TCF20: variants seen among roughly 807,000 people sequenced by gnomAD.
TCF20 encodes the protein transcription factor 20.
Under a neutral mutation model 148.6 loss-of-function variants are expected in TCF20, and 3 were observed. That is an observed-to-expected ratio of 0.02 (90% CI 0.01 to 0.05). The LOEUF (loss-of-function observed/expected upper bound fraction) is 0.05, where lower values mean the gene tolerates loss of function less well. Ranked by LOEUF, TCF20 falls within the 10% of genes least tolerant of loss-of-function variation. The pLI, the probability that TCF20 is intolerant of heterozygous loss-of-function variation, is 1.00. For synonymous variants in TCF20, 1,049 were observed against 909.5 expected, an observed-to-expected ratio of 1.15 and a Z score of -2.76; for missense variants, 2,350 against 2,429.3, an observed-to-expected ratio of 0.97 and a Z score of 0.69.
chr22:42,329,221 G>A (rs762698037), intron 1 of TCF20, among the ~76,000 whole-genome samples: 4 of 152,190 alleles, frequency 2.6e-5, no homozygotes, highest in African/African-American at 4.8e-5. Flanking sequence ...GAAGAGCGGT[G>A]GGAATTCCTC....
At chr22:42,201,708 C>T (rs1459180565) in intron 2 of TCF20, among the ~76,000 whole-genome samples, 1 of 151,896 alleles carries the variant, frequency 6.6e-6, no homozygotes, top group Non-Finnish European at 1.5e-5. Context: ...GCGAAGGTTT[C>T]AGTGAGCCGA....
At chr22:42,248,186 G>A (rs1277101090) in intron 1 of TCF20, among the ~76,000 whole-genome samples, 2 of 152,236 alleles carry the variant, frequency 1.3e-5, no homozygotes, top group Non-Finnish European at 2.9e-5. Flanking sequence ...TGTGGGCGCT[G>A]CCTGGGCTCA....
chr22:42,316,008 G>A (rs373468963), intron 1 of TCF20, among the ~76,000 whole-genome samples: 6 of 149,106 alleles, frequency 4.0e-5, no homozygotes, highest in East Asian at 2.0e-4. Flanking sequence ...CAGGTTACTC[G>A]TTGTCAGGAG....
chr22:42,182,829 C>T (rs1329254022), intron 2 of TCF20, among the ~76,000 whole-genome samples: 1 of 152,212 alleles, frequency 6.6e-6, no homozygotes, highest in African/African-American at 2.4e-5. Flanking sequence ...CTCCGACTCC[C>T]ATGTTCAAGT....
intron 1 of TCF20, among the ~76,000 whole-genome samples, chr22:42,267,618 T>C (rs568535644): frequency 6.6e-6 from 1 of 152,206 alleles, no homozygotes; most frequent in Non-Finnish European, 1.5e-5. Flanking sequence ...GGAGAATTGC[T>C]TGAACCCGGG....
chr22:42,267,294 A>G (rs1926339730), intron 1 of TCF20, among the ~76,000 whole-genome samples: 1 of 152,170 alleles, frequency 6.6e-6, no homozygotes, highest in South Asian at 2.1e-4. Flanking sequence ...AAACAAAACC[A>G]ATTTGAGTAA....
intron 2 of TCF20, among the ~76,000 whole-genome samples, chr22:42,201,210 C>T (rs549106795): frequency 1.3e-5 from 2 of 152,358 alleles, no homozygotes; most frequent in East Asian, 3.9e-4. Flanking sequence ...ATGCAGGCAT[C>T]ATGCTTCCTA....
At chr22:42,311,530 C>T (rs1927536536) in intron 1 of TCF20, among the ~76,000 whole-genome samples, 1 of 152,224 alleles carries the variant, frequency 6.6e-6, no homozygotes, top group African/African-American at 2.4e-5. Flanking sequence ...AGGGGCTGAC[C>T]TTGGTGCCCT....
At chr22:42,175,723 A>G (rs17002864) in intron 3 of TCF20, among the ~76,000 whole-genome samples, 4,286 of 152,254 alleles carry the variant, frequency 0.028, 184 homozygotes, top group African/African-American at 0.092. Flanking sequence ...ATTACACCTT[A>G]GACTCAACAT....
rs531013615 is a variant in TCF20, at chr22:42,175,489, C to T, written c.5749+4120G>A. ...CCAAGTAGCTGGGACTACAGGCACGCGCCACCACACCTGGCTAATTTTTCA... is the reference window on the plus strand; with the variant it reads ...CCAAGTAGCTGGGACTACAGGCACGTGCCACCACACCTGGCTAATTTTTCA... On this transcript the variant is annotated intron_variant, in intron 3 of 5. Transcript: ENST00000677622. 6.6e-5 allele frequency among the ~76,000 whole-genome samples: 10 copies of T among 152,124 alleles called. No individual in the cohort carries two copies. In the East Asian group the frequency reaches 7.8e-4, roughly 12 times the overall value.
intron 1 of TCF20, among the ~76,000 whole-genome samples, chr22:42,335,849 C>T (rs1003065421): frequency 5.9e-5 from 9 of 152,174 alleles, no homozygotes; most frequent in African/African-American, 1.9e-4. Flanking sequence ...ATCACGCCCC[C>T]AGCCCTGCCC....
intron 2 of TCF20, among the ~76,000 whole-genome samples, chr22:42,200,915 C>T (rs559605061): frequency 5.9e-4 from 90 of 152,290 alleles, no homozygotes; most frequent in African/African-American, 2.1e-3. Flanking sequence ...AGGCTAAATC[C>T]TTCAAATACA....
chr22:42,334,137 C>T (rs560976752), intron 1 of TCF20, among the ~76,000 whole-genome samples: 6 of 152,240 alleles, frequency 3.9e-5, no homozygotes, highest in Admixed American at 2.0e-4. Context: ...ACATCTCACC[C>T]TCCTCCCTGG....
At chr22:42,195,917 C>A (rs919027723) in intron 2 of TCF20, among the ~76,000 whole-genome samples, 1 of 151,360 alleles carries the variant, frequency 6.6e-6, no homozygotes, top group Non-Finnish European at 1.5e-5. Flanking sequence ...CACAAATTTA[C>A]CCTGCACTGA....
intron 1 of TCF20, among the ~76,000 whole-genome samples, chr22:42,252,558 C>G (rs1164804329): frequency 7.2e-5 from 11 of 152,144 alleles, no homozygotes; most frequent in Admixed American, 7.2e-4. Flanking sequence ...TTAAGCGATT[C>G]TCCCGCCTCA....
chr22:42,175,056 A>AT (rs1322094814), intron 3 of TCF20, among the ~76,000 whole-genome samples: 1 of 151,416 alleles, frequency 6.6e-6, no homozygotes, highest in Non-Finnish European at 1.5e-5. Flanking sequence ...AAAAAAAGCC[A>AT]TTTTTTTCAA....
At chr22:42,273,926 A>ATTGATTGAGGAGACTGGCCCTGC (rs1290146377), upstream of TCF20, 13 of 152,852 alleles carry the variant, frequency 8.5e-5, no homozygotes, top group African/African-American at 2.9e-4. Flanking sequence ...GTCAGCGTGG[A>ATTGATTGAGGAGACTGGCCCTGC]TTGATTGAGG....
intron 1 of TCF20, among the ~76,000 whole-genome samples, chr22:42,224,669 G>A (rs1028267356): frequency 6.7e-6 from 1 of 149,404 alleles, no homozygotes; most frequent in African/African-American, 2.5e-5. Context: ...TGTATTAGAA[G>A]AAAAAACTGG....
At chr22:42,261,066 A>G (rs369133448) in intron 1 of TCF20, among the ~76,000 whole-genome samples, 1 of 152,356 alleles carries the variant, frequency 6.6e-6, no homozygotes, top group East Asian at 1.9e-4. Context: ...GTACATAAAT[A>G]AGTTCTGCCC....
Sources: allele counts gnomAD v4.1 joint callset (sites outside exome capture counted in the v4.1 genomes callset), GRCh38; gene constraint gnomAD v4.1.1; transcripts MANE v1.5; gene names NCBI Gene and HGNC (gene_info 2026-07-23, HGNC 2026-07-21).